SUPT6H: variants seen among roughly 807,000 people sequenced by gnomAD.
SUPT6H encodes SPT6 homolog, histone chaperone and transcription elongation factor.
SUPT6H carries 11 observed loss-of-function variants against 222.3 expected under a neutral mutation model. That is an observed-to-expected ratio of 0.05 (90% confidence interval 0.03 to 0.08). The LOEUF is 0.08. Ranked by LOEUF, SUPT6H falls within the 10% of genes least tolerant of loss-of-function variation. The pLI is 1.00. For synonymous variants in SUPT6H, 762 were observed against 801.2 expected (o/e 0.95, Z 0.83); for missense variants, 1,422 against 2,216.0 (o/e 0.64, Z 7.19).
chr17:28,683,705 C>T lies in SUPT6H; in HGVS notation c.2118C>T (p.Asn706=), dbSNP rs749112264. 5 of 1,614,088 alleles carry T rather than the reference C, an allele frequency of 3.1e-6. No individual in the cohort carries two copies. Among genetic ancestry groups the T allele is most frequent in the South Asian group, 1.1e-5 (1 of 91,064 alleles). ...DEFSHQVQEW[N]RQRTMAIERA... ...TCAGCCACCAGGTGCAGGAGTGGAA[C>T]CGGCAGCGCACCATGGCCATCGAAC... The change falls in exon 17 of 37, where the codon AAC becomes AAT. Residue 706 remains asparagine, a synonymous_variant. Transcript: ENST00000314616.
intron 16 of SUPT6H, 54 bp from the exon 17 acceptor site, chr17:28,683,567 T>G (rs966175742): frequency 1.9e-6 from 3 of 1,595,590 alleles, no homozygotes; most frequent in Non-Finnish European, 2.6e-6. Flanking sequence ...TTCATGGACA[T>G]TGGGTGTCAC....
chr17:28,693,037 G>C (rs1597716181), intron 27 of SUPT6H, among the ~76,000 whole-genome samples: 1 of 151,836 alleles, frequency 6.6e-6, no homozygotes, highest in East Asian at 1.9e-4. Context: ...AGACTTGGGG[G>C]CGTGCGCTTA....
intron 7 of SUPT6H, among the ~76,000 whole-genome samples, chr17:28,676,787 T>G (rs2030773907): frequency 6.6e-6 from 1 of 151,490 alleles, no homozygotes; most frequent in Admixed American, 6.6e-5. Context: ...ACTAGCTGGT[T>G]GTGATGGTGC....
At chr17:28,695,317 T>C in intron 28 of SUPT6H, 35 bp from the exon 29 acceptor site, 2 of 1,598,916 alleles carry the variant, frequency 1.3e-6, no homozygotes, top group Non-Finnish European at 8.5e-7. Flanking sequence ...TAGATCATCT[T>C]TGTCCCTTCC....
At chr17:28,674,672 C>A (rs2030630006) in intron 4 of SUPT6H, 59 bp downstream of exon 4, 1 of 1,540,984 alleles carries the variant, frequency 6.5e-7, no homozygotes, top group South Asian at 1.1e-5. Context: ...CTGGAAATTT[C>A]AATGTCTGTG....
In SUPT6H at chr17:28,695,155, T is replaced by C. The variant is rs2031841250; in HGVS notation, c.3775-197T>C. 4 of 581,554 alleles carry C rather than the reference T, an allele frequency of 6.9e-6. No individual in the cohort carries two copies. In the South Asian group the frequency reaches 8.4e-5, roughly 12 times the overall value. The allele number at this position is 581,554 out of a possible 1,614,324, so 36.0% of individuals were successfully genotyped here. ...TTCCTGCCCAGAGTGGAGGCATTAG[T>C]GCAGGGCTTGGCCTGTAGTCTACAG... On this transcript the variant is annotated intron_variant, in intron 28 of 36. Coordinates refer to ENST00000314616, the MANE Select transcript of SUPT6H (RefSeq NM_003170.5).
chr17:28,692,816 A>T (rs1035492757), intron 27 of SUPT6H, among the ~76,000 whole-genome samples: 1 of 147,484 alleles, frequency 6.8e-6, no homozygotes, highest in African/African-American at 2.5e-5. Flanking sequence ...CCTGGCTAAC[A>T]CAGTGAAACC....
intron 32 of SUPT6H, among the ~76,000 whole-genome samples, chr17:28,699,573 A>G (rs1481274678): frequency 6.6e-6 from 1 of 152,166 alleles, no homozygotes; most frequent in African/African-American, 2.4e-5. Flanking sequence ...GTCCGTATGC[A>G]GCACACAGAG....
Position 28,678,700 on chromosome 17 carries a change from A to G in SUPT6H, c.1206+66A>G, listed in dbSNP as rs954349034. 3 of 1,611,070 alleles carry G rather than the reference A, an allele frequency of 1.9e-6. No individual in the cohort carries two copies. In the African/African-American group the frequency reaches 4.0e-5, roughly 22 times the overall value. On this transcript the variant is annotated intron_variant, in intron 10 of 36. Transcript: ENST00000314616. ...AAGGCACCATTACTACCAGGATACC[A>G]CAAACCCAAACCCCCCAGGCCTGTC...
At chr17:28,675,542 AG>A (rs2030695273) in intron 6 of SUPT6H, 57 bp downstream of exon 6, 3 of 1,592,424 alleles carry the variant, frequency 1.9e-6, no homozygotes, top group Admixed American at 3.4e-5. Context: ...CCAGTCAGGA[AG>A]GAGGAGATCA....
At chr17:28,695,889 C>T (rs2031881513) in intron 29 of SUPT6H, among the ~76,000 whole-genome samples, 1 of 152,184 alleles carries the variant, frequency 6.6e-6, no homozygotes, top group Admixed American at 6.5e-5. Context: ...TAAGCCCAAA[C>T]AGGGTGGCTC....
chr17:28,676,549 G>A (rs2030757530), intron 7 of SUPT6H, 119 bp downstream of exon 7: 1 of 1,465,892 alleles, frequency 6.8e-7, no homozygotes, highest in African/African-American at 1.4e-5. Context: ...ATCTCACCTG[G>A]GGCCTGGGAA....
intron 29 of SUPT6H, among the ~76,000 whole-genome samples, chr17:28,696,632 AT>A (rs2031931315): frequency 6.7e-6 from 1 of 150,348 alleles, no homozygotes. Flanking sequence ...GCACCGGTGT[AT>A]TCCCAGCTAT....
In SUPT6H at chr17:28,662,351, C is replaced by A. The variant is rs1597676622; in HGVS notation, c.-32+9C>A. The A allele has an allele frequency of 5.0e-5, 8 of 159,008 alleles. No individual in the cohort carries two copies. The South Asian group carries it at 1.0e-3, about 21-fold the overall frequency. The allele number at this position is 159,008 out of a possible 1,614,324, so 9.8% of individuals were successfully genotyped here. A position where few individuals can be genotyped will look rare whatever the true frequency, so the allele number is the denominator to read the frequency against. On this transcript the variant is annotated intron_variant, in intron 1 of 36. Coordinates refer to ENST00000314616, the MANE Select transcript of SUPT6H (RefSeq NM_003170.5). ...CGGCGGGCTTCAGACAGGTAAAGTT[C>A]CGACTGGAGAGCGTGTTTCTCGCAG...
Position 28,674,424 on chromosome 17 carries a change from A to G in SUPT6H, c.251A>G (p.His84Arg), listed in dbSNP as rs774426925. ...DSGDSEDDVG[H>R]KKRKRTSFDD... ...GGTGATTCAGAAGATGATGTTGGCC[A>G]CAAGAAGAGAAAACGCAGTGAGTAG... is the stretch of plus-strand genomic sequence containing the variant. The change falls in exon 3 of 37, where the codon CAC becomes CGC. Residue 84 changes from histidine (H) to arginine (R), a missense_variant. By Grantham distance (29) the His-to-Arg change is conservative. Around this residue, in one of 13 missense-constraint regions of SUPT6H, gnomAD observed 89 missense variants for 118.9 expected, o/e 0.75. Transcript: ENST00000314616. 1 of 1,613,872 alleles carries G rather than the reference A, an allele frequency of 6.2e-7. No homozygotes were observed. Among genetic ancestry groups the G allele is most frequent in the South Asian group, 1.1e-5 (1 of 91,056 alleles).
At chr17:28,668,056 A>G (rs1478525999) in intron 1 of SUPT6H, among the ~76,000 whole-genome samples, 1 of 152,142 alleles carries the variant, frequency 6.6e-6, no homozygotes, top group East Asian at 1.9e-4. Flanking sequence ...CCTTGTGGCA[A>G]TCTGATCCCA....
At position 28,674,263 on chromosome 17, in the gene SUPT6H, C is replaced by A. The variant is rs2030602808; in HGVS notation, c.110-20C>A. On this transcript the variant is annotated intron_variant, in intron 2 of 36. Transcript: ENST00000314616. ...AGCCTGTTTTTCAGTCTCCATGCCT[C>A]AAACATGCATGTCTTCCAGATGAGG... is the stretch of plus-strand genomic sequence containing the variant. 6.2e-7 allele frequency: 1 copy of A among 1,613,852 alleles called. No homozygotes were observed. Among genetic ancestry groups the A allele is most frequent in the African/African-American group, 1.3e-5 (1 of 75,036 alleles).
At chr17:28,677,316 G>A (rs1407228694) in intron 7 of SUPT6H, among the ~76,000 whole-genome samples, 3 of 152,002 alleles carry the variant, frequency 2.0e-5, no homozygotes, top group Non-Finnish European at 1.5e-5. Flanking sequence ...CTGGGAGGCG[G>A]AGGTTACAGT....
chr17:28,676,432 TA>T lies in SUPT6H; in HGVS notation c.897+8del. On this transcript the variant is annotated splice_donor_region_variant and intron_variant, in intron 7 of 36. Coordinates refer to ENST00000314616, the MANE Select transcript of SUPT6H (RefSeq NM_003170.5). Reference sequence around the variant, plus strand: ...ACTGACCTGCCTGAGAGGTTCCAGGTAAAAAACCACCAGCCTCTGCTCTTCT... The same window carrying T: ...ACTGACCTGCCTGAGAGGTTCCAGGTAAAAACCACCAGCCTCTGCTCTTCT... The T allele has an allele frequency of 1.9e-6, 3 of 1,613,494 alleles. No homozygotes were observed. Among genetic ancestry groups the T allele is most frequent in the Non-Finnish European group, 2.5e-6 (3 of 1,179,970 alleles).
Sources: allele counts gnomAD v4.1 joint callset (sites outside exome capture counted in the v4.1 genomes callset), GRCh38; gene constraint gnomAD v4.1.1; regional missense constraint gnomAD v4.1.1; transcripts MANE v1.5; gene names NCBI Gene and HGNC (gene_info 2026-07-23, HGNC 2026-07-21).